Variants in ENTPD1 observed in about 807,000 individuals in gnomAD.
The protein encoded by ENTPD1 is ATP diphosphohydrolase.
Under a neutral mutation model 57.0 loss-of-function variants are expected in ENTPD1, and 33 were observed. That is an observed-to-expected ratio of 0.58 (90% CI 0.44 to 0.77). ENTPD1 has a LOEUF of 0.77. Among genes scored for constraint, ENTPD1 ranks in the 30% least tolerant of loss-of-function variants. The pLI is 0.00. For synonymous variants in ENTPD1, 202 were observed against 218.8 expected (o/e 0.92, Z 0.68); for missense variants, 501 against 603.4 (o/e 0.83, Z 1.78).
rs1353561010 is a variant in ENTPD1, at chr10:95,864,458, A to G, written c.1189-266A>G. On this transcript the variant is annotated intron_variant, in intron 8 of 9. Coordinates refer to ENST00000371205, the MANE Select transcript of ENTPD1 (RefSeq NM_001776.6). ...TTAGTGTTTCAGAACCTACTAGACCACAGGAACTACTTTTTTCCTGGAGGA... is the reference window on the plus strand; with the variant it reads ...TTAGTGTTTCAGAACCTACTAGACCGCAGGAACTACTTTTTTCCTGGAGGA... 4.6e-5 allele frequency among the ~76,000 whole-genome samples: 7 copies of G among 152,212 alleles called. No individual in the cohort carries two copies. In the East Asian group the frequency reaches 9.6e-4, roughly 21 times the overall value.
chr10:95,775,610 T>C (rs116781804), intron 1 of ENTPD1, among the ~76,000 whole-genome samples: 5,682 of 152,220 alleles, frequency 0.037, 130 homozygotes, highest in Non-Finnish European at 0.049. Context: ...GTCTTTGGTA[T>C]ATTCTGTTGA....
intron 8 of ENTPD1, among the ~76,000 whole-genome samples, chr10:95,863,159 G>C (rs1219521438): frequency 6.6e-6 from 1 of 152,186 alleles, no homozygotes; most frequent in Non-Finnish European, 1.5e-5. Context: ...CAGGAGGCCA[G>C]ACTGCATAGC....
chr10:95,870,258 C>T lies in ENTPD1; in HGVS notation c.*3875C>T, dbSNP rs749037648. ...TAATTCTTGATGCTTACATTCCATA[C>T]TCAAAATGTAAATTTGAATATTAAA... On this transcript the variant is annotated 3_prime_UTR_variant, in exon 10 of 10. Coordinates refer to ENST00000371205, the MANE Select transcript of ENTPD1 (RefSeq NM_001776.6). 7.1e-6 allele frequency: 7 copies of T among 984,986 alleles called. No homozygotes were observed. Among genetic ancestry groups the T allele is most frequent in the African/African-American group, 3.5e-5 (2 of 57,216 alleles). 61.0% of individuals were successfully genotyped at this position (984,986 alleles called of 1,614,324 possible). A position where few individuals can be genotyped will look rare whatever the true frequency, so the allele number is the denominator to read the frequency against.
chr10:95,714,987 A>G (rs973087976), intron 1 of ENTPD1, among the ~76,000 whole-genome samples: 38 of 152,338 alleles, frequency 2.5e-4, no homozygotes, highest in African/African-American at 8.2e-4. Flanking sequence ...AAGAATCGTT[A>G]AGTTTTCACT....
At chr10:95,753,037 G>A (rs1289520631), upstream of ENTPD1, among the ~76,000 whole-genome samples, 1 of 152,030 alleles carries the variant, frequency 6.6e-6, no homozygotes, top group Admixed American at 6.5e-5. Flanking sequence ...GAAGGTGTAG[G>A]AAAAATGAAA....
intron 1 of ENTPD1, among the ~76,000 whole-genome samples, chr10:95,727,074 C>T (rs1045037358): frequency 8.5e-5 from 13 of 152,058 alleles, no homozygotes; most frequent in African/African-American, 3.1e-4. Flanking sequence ...TGATGAAATG[C>T]CAATTTGTCC....
chr10:95,845,467 G>A lies in ENTPD1; in HGVS notation c.684G>A (p.Gln228=), dbSNP rs1337866354. The A allele has an allele frequency of 5.6e-6, 9 of 1,614,058 alleles. No homozygotes were observed. In the East Asian group the frequency reaches 2.0e-4, roughly 36 times the overall value. ...AAGTCACTTTTGTACCCCAAAACCA[G>A]ACTATCGAGTCCCCAGATAATGCTC... ...STQVTFVPQN[Q]TIESPDNALQ... is the part of the protein sequence containing the mutation. Residue 228 remains glutamine (Q), a synonymous_variant, in exon 6 of 10, where the codon CAG becomes CAA. Transcript: ENST00000371205.
At chr10:95,802,741 G>A (rs2098255295) in intron 1 of ENTPD1, among the ~76,000 whole-genome samples, 1 of 152,092 alleles carries the variant, frequency 6.6e-6, no homozygotes, top group South Asian at 2.1e-4. Flanking sequence ...GTTTGCTGAG[G>A]ATGATGGTTT....
chr10:95,818,347 G>A (rs2098337135), intron 1 of ENTPD1, among the ~76,000 whole-genome samples: 1 of 152,160 alleles, frequency 6.6e-6, no homozygotes, highest in African/African-American at 2.4e-5. Flanking sequence ...TGGTTGGAAT[G>A]GTAAAATGGG....
chr10:95,735,861 G>T (rs1267355860), intron 1 of ENTPD1, among the ~76,000 whole-genome samples: 1 of 151,680 alleles, frequency 6.6e-6, no homozygotes, highest in Non-Finnish European at 1.5e-5. Flanking sequence ...CCTCCCAAAG[G>T]GTTGGGATTA....
intron 1 of ENTPD1, among the ~76,000 whole-genome samples, chr10:95,744,876 A>G (rs551005991): frequency 5.9e-5 from 9 of 152,152 alleles, no homozygotes; most frequent in Non-Finnish European, 1.3e-4. Context: ...GAAAAATTTT[A>G]TCAATCTGAA....
chr10:95,804,775 T>C (rs11517041), intron 1 of ENTPD1, among the ~76,000 whole-genome samples: 76,253 of 152,012 alleles, frequency 0.5, 19,626 homozygotes, highest in Admixed American at 0.6. Flanking sequence ...AAGGGAATGC[T>C]TCCAGTTTTT....
intron 1 of ENTPD1, among the ~76,000 whole-genome samples, chr10:95,735,665 G>A (rs1370921809): frequency 4.0e-5 from 6 of 151,706 alleles, no homozygotes; most frequent in African/African-American, 4.8e-5. Context: ...GTGCGATCTC[G>A]GCTCACTGCA....
At chr10:95,755,593 C>T (rs1411468258), upstream of ENTPD1, 5 of 1,106,904 alleles carry the variant, frequency 4.5e-6, no homozygotes, top group Non-Finnish European at 6.5e-6. Flanking sequence ...TCTGTGGTTC[C>T]ACCCAGCCTT....
intron 9 of ENTPD1, among the ~76,000 whole-genome samples, chr10:95,865,839 C>T (rs1000668881): frequency 6.6e-6 from 1 of 152,072 alleles, no homozygotes; most frequent in Non-Finnish European, 1.5e-5. Context: ...ATGATCACAG[C>T]TCACTGAAGC....
chr10:95,872,097 C>T lies in ENTPD1; in HGVS notation c.*5714C>T. 1 of 985,388 alleles carries T rather than the reference C, an allele frequency of 1.0e-6. No homozygotes were observed. Among genetic ancestry groups the T allele is most frequent in the Middle Eastern group, 5.2e-4 (1 of 1,914 alleles). 61.0% of individuals were successfully genotyped at this position (985,388 alleles called of 1,614,324 possible). A position where few individuals can be genotyped will look rare whatever the true frequency, so the allele number is the denominator to read the frequency against. On this transcript the variant is annotated 3_prime_UTR_variant, in exon 10 of 10. Transcript: ENST00000371205. ...TGCAATATTTTTCTTTTTTATTTCT[C>T]CTTCTAATATTACTGTTATTGCTCC... is the stretch of plus-strand genomic sequence containing the variant.
intron 1 of ENTPD1, among the ~76,000 whole-genome samples, chr10:95,787,133 G>T (rs1282698932): frequency 6.6e-6 from 1 of 152,166 alleles, no homozygotes; most frequent in Non-Finnish European, 1.5e-5. Flanking sequence ...CTGGGCCATG[G>T]TCTTTGCATC....
rs201403127 is a variant in ENTPD1, at chr10:95,768,514, CTCTT to C, written c.16+12267_16+12270del. Reference sequence around the variant, plus strand: ...TTTTCTTTTTTCTTTCTTTCTCTCTCTCTTTCTTTCTCCTTCCTTCTTTATTCCT... The same window carrying C: ...TTTTCTTTTTTCTTTCTTTCTCTCTCTCTTTCTCCTTCCTTCTTTATTCCT... On this transcript the variant is annotated intron_variant, in intron 1 of 9. Coordinates refer to ENST00000371205, the MANE Select transcript of ENTPD1 (RefSeq NM_001776.6). Among the ~76,000 whole-genome samples the C allele has an allele frequency of 6.5e-3, 987 of 150,980 alleles. 12 individuals carry two copies. The highest frequency in any genetic ancestry group is 0.022 in the African/African-American group (925 of 41,112).
intron 1 of ENTPD1, among the ~76,000 whole-genome samples, chr10:95,768,737 A>G (rs2098101902): frequency 1.3e-5 from 2 of 152,228 alleles, no homozygotes. Flanking sequence ...TCAAAAAAAC[A>G]AACGATTTCC....
Sources: allele counts gnomAD v4.1 joint callset (sites outside exome capture counted in the v4.1 genomes callset), GRCh38; gene constraint gnomAD v4.1.1; transcripts MANE v1.5; gene names NCBI Gene and HGNC (gene_info 2026-07-23, HGNC 2026-07-21).